NXN: variants seen among roughly 807,000 people sequenced by gnomAD.
NXN encodes the protein nucleoredoxin.
Under a neutral mutation model 48.6 loss-of-function variants are expected in NXN, and 16 were observed. The ratio of observed to expected loss-of-function variants is 0.33; its 90% confidence interval spans 0.22 to 0.50. NXN has a LOEUF of 0.50. Ranked by LOEUF, NXN falls within the 20% of genes least tolerant of loss-of-function variation. NXN has a pLI of 0.98. For missense variants in NXN, 492 were observed against 605.5 expected, an observed-to-expected ratio of 0.81 and a Z score of 1.97; for synonymous variants, 281 against 269.6, an observed-to-expected ratio of 1.04 and a Z score of -0.41.
At chr17:816,802 G>C (rs542380086) in intron 5 of NXN, among the ~76,000 whole-genome samples, 5 of 152,216 alleles carry the variant, frequency 3.3e-5, no homozygotes, top group African/African-American at 9.6e-5. Context: ...TTAAGAGATG[G>C]GAAGCCCTCC....
intron 1 of NXN, among the ~76,000 whole-genome samples, chr17:840,506 ATT>A (rs1325288324): frequency 1.3e-5 from 2 of 151,990 alleles, no homozygotes; most frequent in South Asian, 4.1e-4. Flanking sequence ...CGCACAGCTA[ATT>A]TTTTGTATTT....
At chr17:880,624 C>T (rs2068273618) in intron 1 of NXN, among the ~76,000 whole-genome samples, 2 of 152,044 alleles carry the variant, frequency 1.3e-5, no homozygotes, top group Admixed American at 6.6e-5. Context: ...AACAATGAGA[C>T]TCAAAATAGG....
chr17:890,684 AG>A (rs2068407161), intron 1 of NXN, among the ~76,000 whole-genome samples: 1 of 151,968 alleles, frequency 6.6e-6, no homozygotes, highest in Non-Finnish European at 1.5e-5. Context: ...TCTAGCCAAG[AG>A]TTTTTTCAAA....
chr17:862,789 C>T (rs895338362), intron 1 of NXN, among the ~76,000 whole-genome samples: 2 of 152,188 alleles, frequency 1.3e-5, no homozygotes, highest in Admixed American at 1.3e-4. Flanking sequence ...AGGAGCTCTG[C>T]GGCATTCCTG....
chr17:931,509 T>C (rs1268673312), intron 1 of NXN, among the ~76,000 whole-genome samples: 1 of 151,838 alleles, frequency 6.6e-6, no homozygotes. Flanking sequence ...ACTACTTGAT[T>C]TTGTTTTCGC....
intron 1 of NXN, among the ~76,000 whole-genome samples, chr17:835,287 G>GCA (rs1913748627): frequency 1.4e-5 from 2 of 144,786 alleles, no homozygotes; most frequent in Non-Finnish European, 3.0e-5. Context: ...CAGCCTGGAA[G>GCA]ACAGACCGAG....
intron 1 of NXN, among the ~76,000 whole-genome samples, chr17:950,452 T>G (rs906305053): frequency 1.3e-5 from 2 of 150,474 alleles, no homozygotes; most frequent in African/African-American, 4.9e-5. Flanking sequence ...TTTTCAGGGG[T>G]GTGTGGGGTG....
At chr17:846,187 G>A (rs1305265996) in intron 1 of NXN, among the ~76,000 whole-genome samples, 1 of 152,012 alleles carries the variant, frequency 6.6e-6, no homozygotes, top group Non-Finnish European at 1.5e-5. Flanking sequence ...CCAGCACTTT[G>A]GGAGGCCAAG....
intron 1 of NXN, among the ~76,000 whole-genome samples, chr17:885,951 G>C (rs2068342552): frequency 6.6e-6 from 1 of 151,920 alleles, no homozygotes; most frequent in Admixed American, 6.6e-5. Context: ...GCCTCCCAAA[G>C]TGCTGGGATT....
chr17:848,780 A>G (rs1040481013), intron 1 of NXN, among the ~76,000 whole-genome samples: 4 of 152,184 alleles, frequency 2.6e-5, no homozygotes, highest in African/African-American at 9.7e-5. Flanking sequence ...GGACAGCAGC[A>G]GGAATGGCCC....
intron 1 of NXN, among the ~76,000 whole-genome samples, chr17:952,804 C>T (rs1015102910): frequency 9.1e-6 from 1 of 109,494 alleles, no homozygotes; most frequent in African/African-American, 3.1e-5. Flanking sequence ...GTACCACGGA[C>T]GGTCACACTG....
In NXN at chr17:919,223, C is replaced by T. The variant is rs779085561; in HGVS notation, c.360+60096G>A. Among the ~76,000 whole-genome samples the T allele has an allele frequency of 6.6e-6, 1 of 151,940 alleles. No individual in the cohort carries two copies. On this transcript the variant is annotated intron_variant, in intron 1 of 7. Coordinates refer to ENST00000336868, the MANE Select transcript of NXN (RefSeq NM_022463.5). The surrounding 1 kb of genome is among the most constrained non-coding windows in gnomAD (Gnocchi z 5.1). ...ACTACAAATACAAAAATCAGCCGGG[C>T]GTCATGGCGGGCACCTGTAGTCCCA...
chr17:939,506 T>G (rs1474034389), intron 1 of NXN, among the ~76,000 whole-genome samples: 2 of 151,976 alleles, frequency 1.3e-5, no homozygotes, highest in Non-Finnish European at 2.9e-5. Context: ...CCACCACGCC[T>G]AATTAATTCC....
At chr17:818,604 G>T (rs920024509) in intron 5 of NXN, among the ~76,000 whole-genome samples, 1 of 152,116 alleles carries the variant, frequency 6.6e-6, no homozygotes, top group African/African-American at 2.4e-5. Flanking sequence ...ATCCACCATG[G>T]GCCGGGTGCA....
intron 1 of NXN, among the ~76,000 whole-genome samples, chr17:832,346 A>C: frequency 8.5e-6 from 1 of 117,820 alleles, no homozygotes; most frequent in Non-Finnish European, 1.7e-5. Flanking sequence ...CCCAGCTACT[A>C]TTTTGTATTT....
chr17:904,373 C>T (rs372600634), intron 1 of NXN, among the ~76,000 whole-genome samples: 58 of 152,280 alleles, frequency 3.8e-4, no homozygotes, highest in Middle Eastern at 3.4e-3. Context: ...AAGGAAAGGA[C>T]GCACACGTCG....
At chr17:948,363 AG>A (rs2069069329) in intron 1 of NXN, among the ~76,000 whole-genome samples, 1 of 152,152 alleles carries the variant, frequency 6.6e-6, no homozygotes. Context: ...GAAACAAAAC[AG>A]AAAAAAAAGA....
chr17:830,590 C>T lies in NXN; in HGVS notation c.361-4512G>A, dbSNP rs16955987. Among the ~76,000 whole-genome samples, 23,988 of 152,102 alleles carry T rather than the reference C, an allele frequency of 0.16. 1,994 individuals carry two copies. The highest frequency in any genetic ancestry group is 0.17 in the Non-Finnish European group (11,616 of 68,000). ...GAGTAGATGAGAGAACCAGGGGCGG[C>T]GGCTGTGATGAGGTCAGAGATCATC... On this transcript the variant is annotated intron_variant, in intron 1 of 7. Transcript: ENST00000336868. This position sits in a 1 kb window ranked among gnomAD's most constrained non-coding sequence, Gnocchi z 4.2.
chr17:945,890 G>GGCCAGCAAACCACAGGCT (rs150643287), intron 1 of NXN, among the ~76,000 whole-genome samples: 42 of 151,968 alleles, frequency 2.8e-4, no homozygotes, highest in Middle Eastern at 3.4e-3. Context: ...TTTAGGGTTA[G>GGCCAGCAAACCACAGGCT]GCCAGCAAAC....
Sources: gnomAD v4.1 joint callset for allele counts (sites outside exome capture counted in the v4.1 genomes callset) on GRCh38, gnomAD v4.1.1 for gene constraint, Gnocchi (gnomAD v3.1) non-coding constraint, MANE v1.5 for transcripts, NCBI Gene and HGNC (gene_info 2026-07-23, HGNC 2026-07-21) for gene names.